Variants in CORO2B observed in about 807,000 individuals in gnomAD.
CORO2B encodes the protein coronin 2B.
CORO2B carries 26 observed loss-of-function variants against 58.8 expected under a neutral mutation model. That is an observed-to-expected ratio of 0.44 (90% confidence interval 0.32 to 0.61). The LOEUF is 0.61. Among genes scored for constraint, CORO2B ranks in the 20% least tolerant of loss-of-function variants. CORO2B has a pLI of 0.04. For missense variants in CORO2B, 460 were observed against 645.1 expected, an observed-to-expected ratio of 0.71 and a Z score of 3.11; for synonymous variants, 242 against 253.8, an observed-to-expected ratio of 0.95 and a Z score of 0.44.
At chr15:68,592,120 C>T (rs1393889906) in intron 1 of CORO2B, among the ~76,000 whole-genome samples, 6 of 152,128 alleles carry the variant, frequency 3.9e-5, no homozygotes, top group Non-Finnish European at 8.8e-5. Context: ...TCCTTCTGCG[C>T]CGTGTCCTCC....
intron 1 of CORO2B, among the ~76,000 whole-genome samples, chr15:68,607,040 C>T (rs1385727406): frequency 2.6e-5 from 4 of 152,172 alleles, no homozygotes; most frequent in African/African-American, 9.7e-5. Flanking sequence ...GGTTTTCTCC[C>T]TGGCTCACCA....
chr15:68,692,792 C>A (rs1162296130), intron 2 of CORO2B, among the ~76,000 whole-genome samples: 1 of 151,246 alleles, frequency 6.6e-6, no homozygotes, highest in Non-Finnish European at 1.5e-5. Flanking sequence ...CACCACCATG[C>A]CTGGCTAATT....
intron 3 of CORO2B, among the ~76,000 whole-genome samples, chr15:68,697,082 T>C (rs12909503): frequency 0.18 from 27,412 of 152,108 alleles, 3,074 homozygotes; most frequent in Non-Finnish European, 0.25. Flanking sequence ...TTAGTAGGTG[T>C]TGGATGGGAT....
intron 1 of CORO2B, among the ~76,000 whole-genome samples, chr15:68,629,169 C>T (rs1021976095): frequency 6.6e-6 from 1 of 152,200 alleles, no homozygotes; most frequent in African/African-American, 2.4e-5. Flanking sequence ...GGGGCTGCTC[C>T]ACATTGGAAA....
Position 68,726,157 on chromosome 15 carries a change from A to C in CORO2B, c.*183A>C. On this transcript the variant is annotated 3_prime_UTR_variant, in exon 12 of 12. Transcript: ENST00000261861. ...TAACCTCCTGACCTCATGCTAATAA[A>C]AGTCCCCAGCTTCTGGAGACCCCCT... 2.8e-6 allele frequency: 2 copies of C among 722,010 alleles called. No homozygotes were observed. Among genetic ancestry groups the C allele is most frequent in the Non-Finnish European group, 4.4e-6 (2 of 457,250 alleles). 44.7% of individuals were successfully genotyped at this position (722,010 alleles called of 1,614,324 possible).
At chr15:68,524,650 T>C in the CORO2B span, among the ~76,000 whole-genome samples, 1 of 152,238 alleles carries the variant, frequency 6.6e-6, no homozygotes, top group African/African-American at 2.4e-5. Flanking sequence ...ACCAAGAAGT[T>C]AAATAAATTC....
At chr15:68,604,206 C>G (rs1309025618) in intron 1 of CORO2B, among the ~76,000 whole-genome samples, 5 of 152,176 alleles carry the variant, frequency 3.3e-5, no homozygotes, top group Non-Finnish European at 7.3e-5. Flanking sequence ...GCACCCCCTT[C>G]CCTTGACGCA....
intron 1 of CORO2B, among the ~76,000 whole-genome samples, chr15:68,587,049 T>TACACACACACACACACACAC (rs58729813): frequency 1.7e-5 from 1 of 57,888 alleles, no homozygotes; most frequent in East Asian, 8.3e-4. Context: ...GAGATATGTA[T>TACACACACACACACACACAC]ACACACACAC....
chr15:68,618,995 C>G (rs1043136553), intron 1 of CORO2B, among the ~76,000 whole-genome samples: 1 of 152,078 alleles, frequency 6.6e-6, no homozygotes, highest in Non-Finnish European at 1.5e-5. Context: ...AAGATGGGCT[C>G]AAGGAGAGGC....
At chr15:68,663,754 G>A (rs533660098) in intron 2 of CORO2B, among the ~76,000 whole-genome samples, 1 of 152,338 alleles carries the variant, frequency 6.6e-6, no homozygotes, top group South Asian at 2.1e-4. Context: ...ACTTGAATAA[G>A]CATTGCATGA....
At chr15:68,557,414 G>A in the CORO2B span, among the ~76,000 whole-genome samples, 1 of 152,138 alleles carries the variant, frequency 6.6e-6, no homozygotes, top group Non-Finnish European at 1.5e-5. Context: ...TCATAACAAG[G>A]CTGAGGTTAA....
chr15:68,666,057 CAT>C (rs1370848338), intron 2 of CORO2B, among the ~76,000 whole-genome samples: 3 of 152,160 alleles, frequency 2.0e-5, no homozygotes, highest in Admixed American at 1.3e-4. Context: ...TTCCCCCCAG[CAT>C]TTTATTATTA....
intron 2 of CORO2B, among the ~76,000 whole-genome samples, chr15:68,655,556 C>G (rs1361520968): frequency 6.6e-6 from 1 of 152,158 alleles, no homozygotes; most frequent in Non-Finnish European, 1.5e-5. Context: ...GCCTGGACAC[C>G]CTCTGGCCCC....
rs759728334 is a variant in CORO2B, at chr15:68,626,755, G to GA, written c.16-18399dup. Among the ~76,000 whole-genome samples, 11 of 152,166 alleles carry GA rather than the reference G, an allele frequency of 7.2e-5. No individual in the cohort carries two copies. In the South Asian group the frequency reaches 8.3e-4, roughly 11 times the overall value. On this transcript the variant is annotated intron_variant, in intron 1 of 11. Transcript: ENST00000261861. ...GAGAGACCCAGGTGTCAGTACTTATGAAAAAACGTCTCCACAGGTGAAGTT... is the reference window on the plus strand; with the variant it reads ...GAGAGACCCAGGTGTCAGTACTTATGAAAAAAACGTCTCCACAGGTGAAGTT...
chr15:68,625,574 C>G (rs186876662), intron 1 of CORO2B, among the ~76,000 whole-genome samples: 7 of 152,038 alleles, frequency 4.6e-5, no homozygotes, highest in African/African-American at 1.7e-4. Context: ...CTTGTGCACT[C>G]CGTTACAGGT....
chr15:68,575,625 C>T (rs954166576), upstream of CORO2B, among the ~76,000 whole-genome samples: 3 of 131,120 alleles, frequency 2.3e-5, no homozygotes, highest in Admixed American at 9.1e-5. Context: ...TGTGAGCCAA[C>T]GCGCCCAGTG....
chr15:68,656,220 C>T (rs1024523921), intron 2 of CORO2B, among the ~76,000 whole-genome samples: 1 of 141,416 alleles, frequency 7.1e-6, no homozygotes, highest in Non-Finnish European at 1.5e-5. Context: ...AGGCTCTTGA[C>T]TTGATGGAGG....
At chr15:68,628,094 G>A (rs57270738) in intron 1 of CORO2B, among the ~76,000 whole-genome samples, 3,423 of 152,300 alleles carry the variant, frequency 0.022, 107 homozygotes, top group African/African-American at 0.074. Context: ...CATAATTTGG[G>A]TGGGGCTTTG....
At chr15:68,662,487 G>A (rs1902047357) in intron 2 of CORO2B, among the ~76,000 whole-genome samples, 1 of 152,200 alleles carries the variant, frequency 6.6e-6, no homozygotes, top group Non-Finnish European at 1.5e-5. Flanking sequence ...GTCTGCAGTT[G>A]TCATTCAAGG....
Sources: allele counts gnomAD v4.1 joint callset (sites outside exome capture counted in the v4.1 genomes callset), GRCh38; gene constraint gnomAD v4.1.1; transcripts MANE v1.5; gene names NCBI Gene and HGNC (gene_info 2026-07-23, HGNC 2026-07-21).